Variants in SGCZ observed in about 807,000 individuals in gnomAD.
SGCZ encodes the protein zeta-sarcoglycan.
SGCZ carries 40 observed loss-of-function variants against 41.3 expected under a neutral mutation model. That is an observed-to-expected ratio of 0.97 (90% CI 0.75 to 1.26). SGCZ has a LOEUF of 1.26. Ranked by LOEUF, SGCZ falls within the 50% of genes most tolerant of loss-of-function variation. The pLI, the probability that SGCZ is intolerant of heterozygous loss-of-function variation, is 0.00. For synonymous variants in SGCZ, 206 were observed against 137.5 expected (o/e 1.50, Z -3.49); for missense variants, 552 against 369.8 (o/e 1.49, Z -4.04).
chr8:14,236,629 T>C (rs532279639), intron 4 of SGCZ, among the ~76,000 whole-genome samples: 1 of 151,614 alleles, frequency 6.6e-6, no homozygotes, highest in South Asian at 2.1e-4. Context: ...GTAATTTACT[T>C]TTCTCTTTCC....
intron 1 of SGCZ, among the ~76,000 whole-genome samples, chr8:14,768,415 C>T (rs1172771059): frequency 6.6e-6 from 1 of 152,074 alleles, no homozygotes; most frequent in African/African-American, 2.4e-5. Flanking sequence ...ATTGCTTTAC[C>T]TTAACACTGA....
chr8:14,919,699 C>G (rs972984316), intron 1 of SGCZ, among the ~76,000 whole-genome samples: 3 of 152,148 alleles, frequency 2.0e-5, no homozygotes, highest in African/African-American at 7.2e-5. Flanking sequence ...AGGCAGATCA[C>G]TTGAGTTCAG....
At chr8:14,209,255 C>G (rs1292621780) in intron 4 of SGCZ, among the ~76,000 whole-genome samples, 2 of 152,210 alleles carry the variant, frequency 1.3e-5, no homozygotes, top group African/African-American at 4.8e-5. Context: ...TCAAACCTGC[C>G]TATAAAATCT....
intron 2 of SGCZ, among the ~76,000 whole-genome samples, chr8:14,521,440 C>T (rs1422983281): frequency 2.6e-5 from 4 of 152,012 alleles, no homozygotes; most frequent in African/African-American, 9.7e-5. Context: ...ATGTAACAAA[C>T]CTGCACTTGT....
chr8:14,229,596 A>G (rs9657230), intron 4 of SGCZ, among the ~76,000 whole-genome samples: 7,017 of 152,046 alleles, frequency 0.046, 205 homozygotes, highest in Middle Eastern at 0.088. Flanking sequence ...CTCACTTTAC[A>G]TCAAACATTC....
At chr8:15,223,113 C>T (rs528448270) in intron 1 of SGCZ, among the ~76,000 whole-genome samples, 1 of 152,172 alleles carries the variant, frequency 6.6e-6, no homozygotes, top group East Asian at 1.9e-4. Flanking sequence ...TTAAAGCATA[C>T]CTTATGATGC....
At chr8:14,568,961 A>G (rs1317318937) in intron 1 of SGCZ, among the ~76,000 whole-genome samples, 1 of 152,210 alleles carries the variant, frequency 6.6e-6, no homozygotes, top group African/African-American at 2.4e-5. Flanking sequence ...AATATTCCAC[A>G]GTTATAGACA....
At chr8:15,199,795 G>A (rs533382792) in intron 1 of SGCZ, among the ~76,000 whole-genome samples, 89 of 152,034 alleles carry the variant, frequency 5.9e-4, no homozygotes, top group Non-Finnish European at 1.1e-3. Flanking sequence ...ATAAATTATG[G>A]TTATGAAACC....
chr8:15,209,757 G>T (rs1419095917), intron 1 of SGCZ, among the ~76,000 whole-genome samples: 1 of 86,146 alleles, frequency 1.2e-5, no homozygotes, highest in African/African-American at 3.6e-5. Context: ...GATACCAGTA[G>T]TTGCCTTAAA....
intron 3 of SGCZ, among the ~76,000 whole-genome samples, chr8:14,292,566 T>A (rs1800877747): frequency 6.6e-6 from 1 of 152,046 alleles, no homozygotes; most frequent in Admixed American, 6.6e-5. Context: ...AAAGGCTGCT[T>A]TGTGTTAGCT....
At chr8:14,594,225 T>A (rs910301920) in intron 1 of SGCZ, among the ~76,000 whole-genome samples, 5 of 128,754 alleles carry the variant, frequency 3.9e-5, no homozygotes, top group South Asian at 5.0e-4. Context: ...AATAAATAAA[T>A]AAAATAAAAC....
intron 1 of SGCZ, among the ~76,000 whole-genome samples, chr8:15,033,961 G>A (rs1803780361): frequency 6.6e-6 from 1 of 152,076 alleles, no homozygotes; most frequent in African/African-American, 2.4e-5. Flanking sequence ...AGTGGTCAAG[G>A]ATTTTTCCAG....
intron 1 of SGCZ, among the ~76,000 whole-genome samples, chr8:14,992,596 C>T (rs763429868): frequency 5.3e-5 from 8 of 151,112 alleles, no homozygotes; most frequent in Non-Finnish European, 1.0e-4. Flanking sequence ...CAATATACTC[C>T]CAAATCTACT....
At chr8:14,288,769 C>A (rs966102065) in intron 3 of SGCZ, among the ~76,000 whole-genome samples, 4 of 152,090 alleles carry the variant, frequency 2.6e-5, no homozygotes, top group Non-Finnish European at 4.4e-5. Flanking sequence ...TGTTTGACCA[C>A]TTGTTACCAA....
chr8:14,116,865 G>C (rs1411724450), intron 5 of SGCZ, among the ~76,000 whole-genome samples: 1 of 152,162 alleles, frequency 6.6e-6, no homozygotes, highest in East Asian at 1.9e-4. Flanking sequence ...AGTTTCTACA[G>C]CAAGAACACT....
intron 1 of SGCZ, among the ~76,000 whole-genome samples, chr8:14,991,326 A>G (rs1343670395): frequency 6.6e-6 from 1 of 152,132 alleles, no homozygotes; most frequent in Non-Finnish European, 1.5e-5. Context: ...CAGCACCACC[A>G]AGGAGTTTGT....
intron 1 of SGCZ, among the ~76,000 whole-genome samples, chr8:14,641,695 T>C (rs748192392): frequency 1.8e-4 from 27 of 151,688 alleles, no homozygotes; most frequent in Admixed American, 1.2e-3. Context: ...CTGAAGGACA[T>C]AGAGTTTATT....
chr8:14,312,605 A>G (rs1004194607), intron 3 of SGCZ, among the ~76,000 whole-genome samples: 1 of 152,048 alleles, frequency 6.6e-6, no homozygotes, highest in African/African-American at 2.4e-5. Flanking sequence ...ACTCTAGCCT[A>G]GACAACATAG....
intron 1 of SGCZ, among the ~76,000 whole-genome samples, chr8:15,227,097 T>C (rs1801800471): frequency 6.6e-6 from 1 of 152,146 alleles, no homozygotes. Context: ...GAGGTGTGCA[T>C]GTAGCCCAAG....
Sources: gnomAD v4.1 joint callset for allele counts (sites outside exome capture counted in the v4.1 genomes callset) on GRCh38, gnomAD v4.1.1 for gene constraint, MANE v1.5 for transcripts, NCBI Gene and HGNC (gene_info 2026-07-23, HGNC 2026-07-21) for gene names.